The following KCTD8 variants were observed in gnomAD, a reference collection of about 807,000 sequenced individuals.
KCTD8 encodes the protein BTB/POZ domain-containing protein KCTD8.
In KCTD8, 27 loss-of-function variants were observed where a neutral mutation model predicts 31.5. That is an observed-to-expected ratio of 0.86 (90% confidence interval 0.63 to 1.18). The LOEUF (loss-of-function observed/expected upper bound fraction) is 1.18, where lower values mean the gene tolerates loss of function less well. KCTD8 is among the 50% of genes most tolerant of loss of function. The pLI, the probability that KCTD8 is intolerant of heterozygous loss-of-function variation, is 0.00. For missense variants in KCTD8, 658 were observed against 647.7 expected (o/e 1.02, Z -0.17); for synonymous variants, 290 against 280.0 (o/e 1.04, Z -0.36).
At chr4:44,423,707 G>T (rs1721278610) in intron 1 of KCTD8, among the ~76,000 whole-genome samples, 1 of 151,914 alleles carries the variant, frequency 6.6e-6, no homozygotes, top group African/African-American at 2.4e-5. Context: ...GAAGAGTAAG[G>T]AAAAAAACGA....
At chr4:44,303,856 C>G (rs1717717233) in intron 1 of KCTD8, among the ~76,000 whole-genome samples, 1 of 151,952 alleles carries the variant, frequency 6.6e-6, no homozygotes, top group South Asian at 2.1e-4. Flanking sequence ...TTAACATTTT[C>G]TAAAATTGGC....
intron 1 of KCTD8, among the ~76,000 whole-genome samples, chr4:44,232,091 T>C (rs1026453157): frequency 6.6e-6 from 1 of 152,172 alleles, no homozygotes; most frequent in African/African-American, 2.4e-5. Context: ...GTCTTCACCA[T>C]AGAAATTCTG....
At chr4:44,200,775 C>G (rs1230146137) in intron 1 of KCTD8, among the ~76,000 whole-genome samples, 1 of 152,004 alleles carries the variant, frequency 6.6e-6, no homozygotes, top group Non-Finnish European at 1.5e-5. Context: ...CTCAACATTC[C>G]TATTCCACAT....
chr4:44,374,927 A>C (rs999041222), intron 1 of KCTD8, among the ~76,000 whole-genome samples: 1 of 152,208 alleles, frequency 6.6e-6, no homozygotes, highest in Non-Finnish European at 1.5e-5. Flanking sequence ...AAGTGAGCGC[A>C]TGCTGTCAGA....
At chr4:44,220,777 G>A (rs999849614) in intron 1 of KCTD8, among the ~76,000 whole-genome samples, 4 of 152,100 alleles carry the variant, frequency 2.6e-5, no homozygotes, top group African/African-American at 9.7e-5. Context: ...AACTGAATAC[G>A]AAAAGAGAAT....
chr4:44,181,384 TGCAGGCGC>T (rs1168982674), intron 1 of KCTD8, among the ~76,000 whole-genome samples: 1 of 152,192 alleles, frequency 6.6e-6, no homozygotes, highest in East Asian at 1.9e-4. Flanking sequence ...TGCCTGCGAT[TGCAGGCGC>T]GCACCACCAC....
chr4:44,330,702 C>T (rs563123344), intron 1 of KCTD8, among the ~76,000 whole-genome samples: 1 of 151,660 alleles, frequency 6.6e-6, no homozygotes, highest in Admixed American at 6.6e-5. Context: ...CTATAAACTA[C>T]CAAAAAGGTT....
rs373272559 is a variant in KCTD8 at position 44,264,702 on chromosome 4, T to C, written c.962-89452A>G. On this transcript the variant is annotated intron_variant, in intron 1 of 1. Coordinates refer to ENST00000360029, the MANE Select transcript of KCTD8 (RefSeq NM_198353.3). ...CCCCCCGAATACTGCTCTTTTCCGATGGGCTTAGGAAATGGCACACCAGGA... is the reference window on the plus strand; with the variant it reads ...CCCCCCGAATACTGCTCTTTTCCGACGGGCTTAGGAAATGGCACACCAGGA... 6.7e-4 allele frequency among the ~76,000 whole-genome samples: 102 copies of C among 152,246 alleles called. No homozygotes were observed. In the South Asian group the frequency reaches 0.01, roughly 15 times the overall value.
rs1310175893 is a variant in KCTD8 at position 44,447,222 on chromosome 4, GCC to G, written c.961+339_961+340del. On this transcript the variant is annotated intron_variant, in intron 1 of 1. Transcript: ENST00000360029. ...GGAGGGTCTATGCACCCTGCCCTGT[GCC>G]CCAGTCTCTCCCACCCTGTCCTCCG... Among the ~76,000 whole-genome samples, 4 of 152,234 alleles carry G rather than the reference GCC, an allele frequency of 2.6e-5. No homozygotes were observed. The East Asian group carries it at 7.7e-4, about 29-fold the overall frequency.
chr4:44,411,425 TAA>T (rs1405136323), intron 1 of KCTD8, among the ~76,000 whole-genome samples: 2 of 150,016 alleles, frequency 1.3e-5, no homozygotes, highest in Non-Finnish European at 3.0e-5. Flanking sequence ...GAAAATGATG[TAA>T]AAGAGTTATA....
intron 1 of KCTD8, among the ~76,000 whole-genome samples, chr4:44,302,879 T>C (rs1717671551): frequency 6.6e-6 from 1 of 152,108 alleles, no homozygotes; most frequent in Admixed American, 6.5e-5. Flanking sequence ...TCTTATTATT[T>C]TGAGATACGT....
At chr4:44,273,437 C>A (rs1048120769) in intron 1 of KCTD8, among the ~76,000 whole-genome samples, 2 of 151,764 alleles carry the variant, frequency 1.3e-5, no homozygotes, top group African/African-American at 2.4e-5. Flanking sequence ...CATCATAAAA[C>A]CTTAATGAAT....
intron 1 of KCTD8, among the ~76,000 whole-genome samples, chr4:44,446,700 C>T (rs1721946475): frequency 6.6e-6 from 1 of 152,184 alleles, no homozygotes; most frequent in Non-Finnish European, 1.5e-5. Flanking sequence ...TTTATTCACC[C>T]TGAGAAAGTG....
intron 1 of KCTD8, among the ~76,000 whole-genome samples, chr4:44,227,672 T>C (rs934199166): frequency 6.6e-6 from 1 of 152,160 alleles, no homozygotes; most frequent in African/African-American, 2.4e-5. Flanking sequence ...TAGAACCTCA[T>C]AAAAATACCA....
intron 1 of KCTD8, among the ~76,000 whole-genome samples, chr4:44,378,264 T>G (rs1487255179): frequency 6.8e-6 from 1 of 147,842 alleles, no homozygotes; most frequent in Non-Finnish European, 1.5e-5. Context: ...TATATCTCCA[T>G]GTATGTGTAT....
At chr4:44,369,001 G>A (rs1031725064) in intron 1 of KCTD8, among the ~76,000 whole-genome samples, 2 of 152,070 alleles carry the variant, frequency 1.3e-5, no homozygotes. Context: ...GCAGTTACCT[G>A]TAGGCTGGTT....
intron 1 of KCTD8, among the ~76,000 whole-genome samples, chr4:44,327,847 A>C (rs1241203865): frequency 6.6e-6 from 1 of 151,832 alleles, no homozygotes; most frequent in Admixed American, 6.6e-5. Flanking sequence ...ATCTATCATT[A>C]CAAAGAGCCA....
At chr4:44,176,267 A>G (rs73245584) in intron 1 of KCTD8, among the ~76,000 whole-genome samples, 6,218 of 152,254 alleles carry the variant, frequency 0.041, 140 homozygotes, top group Middle Eastern at 0.095. Context: ...CAGGGGTTCT[A>G]TTGTGCAGCC....
intron 1 of KCTD8, among the ~76,000 whole-genome samples, chr4:44,177,593 G>A (rs1355802298): frequency 6.6e-6 from 1 of 152,156 alleles, no homozygotes; most frequent in Non-Finnish European, 1.5e-5. Flanking sequence ...CATGAGACCT[G>A]ATGGTTTTAA....
Sources: allele counts gnomAD v4.1 joint callset (sites outside exome capture counted in the v4.1 genomes callset), GRCh38; gene constraint gnomAD v4.1.1; transcripts MANE v1.5; gene names NCBI Gene and HGNC (gene_info 2026-07-23, HGNC 2026-07-21).